The following GPHN variants were observed in gnomAD, a reference collection of about 807,000 sequenced individuals.
GPHN encodes the protein gephyrin.
GPHN carries 17 observed loss-of-function variants against 95.5 expected under a neutral mutation model. That is an observed-to-expected ratio of 0.18 (90% CI 0.12 to 0.27). GPHN has a LOEUF of 0.27. Ranked by LOEUF, GPHN falls within the 10% of genes least tolerant of loss-of-function variation. The pLI is 1.00. For synonymous variants in GPHN, 320 were observed against 322.5 expected, an observed-to-expected ratio of 0.99 and a Z score of 0.08; for missense variants, 660 against 978.1, an observed-to-expected ratio of 0.67 and a Z score of 4.34.
At chr14:66,511,254 C>A (rs2058030971) in intron 1 of GPHN, among the ~76,000 whole-genome samples, 1 of 151,990 alleles carries the variant, frequency 6.6e-6, no homozygotes, top group Non-Finnish European at 1.5e-5. Flanking sequence ...TATTCTAGAA[C>A]TTGAGGTTTT....
chr14:66,949,261 T>TTTGA (rs1237430790), intron 8 of GPHN, among the ~76,000 whole-genome samples: 2 of 152,104 alleles, frequency 1.3e-5, no homozygotes, highest in Non-Finnish European at 2.9e-5. Context: ...ATTTTTGTAT[T>TTTGA]TTTAGTAGAG....
At chr14:67,620,891 C>G in the GPHN span, 1 of 1,614,040 alleles carries the variant, frequency 6.2e-7, no homozygotes, top group Non-Finnish European at 8.5e-7. Flanking sequence ...GTGTGACTGA[C>G]AGAAAAGAAA....
chr14:67,326,461 T>C, the GPHN span, among the ~76,000 whole-genome samples: 2 of 152,074 alleles, frequency 1.3e-5, no homozygotes, highest in Admixed American at 1.3e-4. Context: ...ATTAGAACTT[T>C]CTGATTCTTT....
chr14:66,979,798 T>C (rs1393244901), intron 9 of GPHN, among the ~76,000 whole-genome samples: 2 of 152,210 alleles, frequency 1.3e-5, no homozygotes, highest in African/African-American at 4.8e-5. Context: ...CTCACTAAAC[T>C]TAGTCATTTC....
chr14:67,363,244 A>G, the GPHN span, among the ~76,000 whole-genome samples: 22 of 152,012 alleles, frequency 1.4e-4, no homozygotes, highest in South Asian at 6.3e-4. Context: ...AAACGAAACA[A>G]ACAGTCAGCT....
At chr14:66,867,223 C>T (rs1479717057) in intron 4 of GPHN, among the ~76,000 whole-genome samples, 1 of 152,128 alleles carries the variant, frequency 6.6e-6, no homozygotes, top group Non-Finnish European at 1.5e-5. Flanking sequence ...ATGCCTTTTA[C>T]AATTACCTTG....
chr14:67,657,871 C>G, the GPHN span, among the ~76,000 whole-genome samples: 1 of 151,990 alleles, frequency 6.6e-6, no homozygotes, highest in East Asian at 1.9e-4. Flanking sequence ...GCCTCAGCCT[C>G]CCAAGTAACT....
chr14:67,079,778 A>G (rs1179172964), intron 11 of GPHN, among the ~76,000 whole-genome samples: 4 of 152,082 alleles, frequency 2.6e-5, no homozygotes, highest in African/African-American at 7.2e-5. Context: ...CTAGCGTCTG[A>G]TAACTATCAT....
At chr14:67,036,089 G>A (rs2074407601) in intron 10 of GPHN, among the ~76,000 whole-genome samples, 1 of 151,862 alleles carries the variant, frequency 6.6e-6, no homozygotes, top group South Asian at 2.1e-4. Context: ...ATCAATAAAT[G>A]TAATGTATCA....
At chr14:66,886,857 CAGGT>C (rs1882424207) in intron 5 of GPHN, among the ~76,000 whole-genome samples, 2 of 152,270 alleles carry the variant, frequency 1.3e-5, no homozygotes, top group South Asian at 4.1e-4. Context: ...GGGAAACTGT[CAGGT>C]AGGCAAACCT....
chr14:66,846,795 G>T (rs949189384), intron 4 of GPHN, among the ~76,000 whole-genome samples: 9 of 152,214 alleles, frequency 5.9e-5, no homozygotes, highest in African/African-American at 2.2e-4. Context: ...AATGGGTATA[G>T]GTAAGTAGAT....
the GPHN span, chr14:67,201,446 G>A: frequency 2.2e-6 from 1 of 455,908 alleles, no homozygotes; most frequent in African/African-American, 2.0e-5. Flanking sequence ...TCCCCTCAGG[G>A]CCTCACATCT....
the GPHN span, among the ~76,000 whole-genome samples, chr14:67,619,440 C>T: frequency 2.0e-5 from 3 of 152,230 alleles, no homozygotes; most frequent in Non-Finnish European, 2.9e-5. Flanking sequence ...GATGCCCAGT[C>T]TAAGAGTGTT....
chr14:67,633,305 A>C, the GPHN span, among the ~76,000 whole-genome samples: 3 of 152,230 alleles, frequency 2.0e-5, no homozygotes, highest in South Asian at 6.2e-4. Context: ...TTATAGAAGA[A>C]TCTAGGTCAT....
At chr14:67,669,556 C>T in the GPHN span, among the ~76,000 whole-genome samples, 2 of 149,682 alleles carry the variant, frequency 1.3e-5, no homozygotes, top group Non-Finnish European at 3.0e-5. Flanking sequence ...CACGAGCCAC[C>T]ACACCTGGCC....
intron 1 of GPHN, among the ~76,000 whole-genome samples, chr14:66,648,491 A>G (rs887238094): frequency 6.6e-6 from 1 of 152,172 alleles, no homozygotes; most frequent in Non-Finnish European, 1.5e-5. Context: ...ATTATAATAC[A>G]GTGTATTTAC....
the GPHN span, among the ~76,000 whole-genome samples, chr14:67,442,514 AAAG>A: frequency 6.6e-6 from 1 of 152,226 alleles, no homozygotes; most frequent in Non-Finnish European, 1.5e-5. Context: ...TTCTCCTTCC[AAAG>A]AAGGTGACTA....
At chr14:67,452,325 CAAA>C in the GPHN span, among the ~76,000 whole-genome samples, 5 of 107,900 alleles carry the variant, frequency 4.6e-5, no homozygotes, top group Non-Finnish European at 8.2e-5. Flanking sequence ...GACTCTGTCT[CAAA>C]AAAAAAAAAA....
chr14:67,571,736 G>A, the GPHN span: 1 of 1,606,530 alleles, frequency 6.2e-7, no homozygotes. Context: ...CAGTGAGGGA[G>A]GGGCCTGTCT....
Sources: gnomAD v4.1 joint callset for allele counts (sites outside exome capture counted in the v4.1 genomes callset) on GRCh38, gnomAD v4.1.1 for gene constraint, MANE v1.5 for transcripts, NCBI Gene and HGNC (gene_info 2026-07-23, HGNC 2026-07-21) for gene names.